MYO9A: variants seen among roughly 807,000 people sequenced by gnomAD.
MYO9A encodes the protein unconventional myosin-IXa.
MYO9A carries 103 observed loss-of-function variants against 293.3 expected under a neutral mutation model. The observed-to-expected ratio is 0.35, with a 90% CI of 0.30 to 0.41. The LOEUF is 0.41. Ranked by LOEUF, MYO9A falls within the 10% of genes least tolerant of loss-of-function variation. The pLI is 1.00. For synonymous variants in MYO9A, 1,001 were observed against 1,035.7 expected (o/e 0.97, Z 0.64); for missense variants, 2,685 against 3,033.0 (o/e 0.89, Z 2.69).
At chr15:72,016,094 A>C (rs1267935679) in intron 6 of MYO9A, among the ~76,000 whole-genome samples, 1 of 152,156 alleles carries the variant, frequency 6.6e-6, no homozygotes, top group Non-Finnish European at 1.5e-5. Context: ...AGATGTTAAT[A>C]ATAATAAAAA....
In MYO9A at chr15:72,098,048, T is replaced by C. The variant is rs547079164; in HGVS notation, c.-72+19632A>G. Among the ~76,000 whole-genome samples, 4 of 152,222 alleles carry C rather than the reference T, an allele frequency of 2.6e-5. No homozygotes were observed. The South Asian group carries it at 8.3e-4, about 32-fold the overall frequency. On this transcript the variant is annotated intron_variant, in intron 1 of 41. Coordinates refer to ENST00000356056, the MANE Select transcript of MYO9A (RefSeq NM_006901.4). ...AAAAAAGATGAGTGGGCATAACAAA[T>C]GTATTTTTCAAAGATGTCCACACCA...
chr15:71,832,645 G>C (rs992782217), intron 39 of MYO9A, among the ~76,000 whole-genome samples: 4 of 152,124 alleles, frequency 2.6e-5, no homozygotes, highest in Non-Finnish European at 4.4e-5. Flanking sequence ...ATTTCAGACA[G>C]ACTAAGAGGA....
chr15:71,830,167 C>T lies in MYO9A; in HGVS notation c.6982G>A (p.Ala2328Thr), dbSNP rs1338773663. ...ETDITEQQQA[A>T]MQQEERVLTE... Reference sequence around the variant, plus strand: ...AGTACTCTCTCCTCCTGCTGCATAGCTGCTTGCTGCTGTTCTGTGATGTCA... The same window carrying T: ...AGTACTCTCTCCTCCTGCTGCATAGTTGCTTGCTGCTGTTCTGTGATGTCA... The change falls in exon 40 of 42, where the codon GCT becomes ACT. Residue 2328 changes from alanine (A) to threonine (T), a missense_variant. Coordinates refer to ENST00000356056, the MANE Select transcript of MYO9A (RefSeq NM_006901.4). 1 of 1,614,160 alleles carries T rather than the reference C, an allele frequency of 6.2e-7. No individual in the cohort carries two copies. Among genetic ancestry groups the T allele is most frequent in the Non-Finnish European group, 8.5e-7 (1 of 1,180,002 alleles).
chr15:72,053,410 A>G lies in MYO9A; in HGVS notation c.-71-6776T>C, dbSNP rs200644594. On this transcript the variant is annotated intron_variant, in intron 1 of 41. Coordinates refer to ENST00000356056, the MANE Select transcript of MYO9A (RefSeq NM_006901.4). The stretch of plus-strand genomic sequence containing the variant: ...AACTGAGTGAGACTCCGTCTCAAAG[A>G]AAAAAAAAAAGGTTTTTTAAGTGTA... Among the ~76,000 whole-genome samples the G allele has an allele frequency of 9.1e-4, 108 of 118,828 alleles. 1 individual carries two copies. The highest frequency in any genetic ancestry group is 7.2e-3 in the Admixed American group (85 of 11,802). The allele number at this position is 118,828 out of a possible 152,430, so 78.0% of individuals were successfully genotyped here.
At chr15:71,908,388 C>T (rs535196579) in intron 19 of MYO9A, among the ~76,000 whole-genome samples, 1 of 152,188 alleles carries the variant, frequency 6.6e-6, no homozygotes, top group Non-Finnish European at 1.5e-5. Flanking sequence ...TGGTCTCAAT[C>T]TCCTGACCTC....
intron 2 of MYO9A, among the ~76,000 whole-genome samples, chr15:72,035,266 C>T (rs938953456): frequency 6.6e-6 from 1 of 152,126 alleles, no homozygotes; most frequent in Non-Finnish European, 1.5e-5. Context: ...CAGCGATACC[C>T]CTCCTGGCTA....
chr15:72,021,091 G>T, intron 4 of MYO9A, 74 bp from the exon 5 acceptor site: 2 of 881,442 alleles, frequency 2.3e-6, no homozygotes, highest in Non-Finnish European at 3.5e-6. Flanking sequence ...GAGGGGGGAA[G>T]CAAACAGTAA....
intron 32 of MYO9A, among the ~76,000 whole-genome samples, chr15:71,870,688 A>G (rs563739411): frequency 1.2e-4 from 18 of 152,360 alleles, no homozygotes; most frequent in Admixed American, 9.8e-4. Flanking sequence ...CAGTATTTGC[A>G]TATTATTTAG....
In MYO9A at chr15:72,007,693, C is replaced by T. The variant is rs182427469; in HGVS notation, c.1380+133G>A. 1.1e-4 allele frequency: 89 copies of T among 780,478 alleles called. No homozygotes were observed. In the African/African-American group the frequency reaches 1.3e-3, roughly 12 times the overall value. 48.3% of individuals were successfully genotyped at this position (780,478 alleles called of 1,614,324 possible). ...GGAAAAATTAGATCTTTTGGAAATGCTATTTAAAAATAGTGCCTAATAAAA... is the reference window on the plus strand; with the variant it reads ...GGAAAAATTAGATCTTTTGGAAATGTTATTTAAAAATAGTGCCTAATAAAA... On this transcript the variant is annotated intron_variant, in intron 8 of 41. Transcript: ENST00000356056.
At chr15:71,927,759 T>A (rs1021714364) in intron 18 of MYO9A, among the ~76,000 whole-genome samples, 1 of 151,772 alleles carries the variant, frequency 6.6e-6, no homozygotes, top group African/African-American at 2.4e-5. Context: ...TCAGGTCTTA[T>A]ATTTAAGTCT....
chr15:72,101,542 C>T (rs1295997153), intron 1 of MYO9A, among the ~76,000 whole-genome samples: 24 of 125,428 alleles, frequency 1.9e-4, no homozygotes, highest in African/African-American at 6.9e-4. Flanking sequence ...CCCGGCCAGC[C>T]GCCCCGTCCG....
chr15:72,065,287 A>G (rs912042415), intron 1 of MYO9A, among the ~76,000 whole-genome samples: 1 of 152,068 alleles, frequency 6.6e-6, no homozygotes, highest in Non-Finnish European at 1.5e-5. Context: ...AGGCCGAGGC[A>G]GGCAGAACAC....
intron 31 of MYO9A, among the ~76,000 whole-genome samples, 182 bp downstream of exon 31, chr15:71,877,858 G>C (rs1045785188): frequency 6.6e-6 from 1 of 152,322 alleles, no homozygotes. Context: ...AATATGGTCT[G>C]ATAAATTATA....
intron 28 of MYO9A, among the ~76,000 whole-genome samples, chr15:71,883,093 C>T (rs2056921172): frequency 6.6e-6 from 1 of 152,064 alleles, no homozygotes; most frequent in Admixed American, 6.6e-5. Flanking sequence ...TGTGAACCAT[C>T]GTGCCTGGCC....
intron 34 of MYO9A, among the ~76,000 whole-genome samples, chr15:71,856,842 C>T (rs2141530669): frequency 6.6e-6 from 1 of 152,230 alleles, no homozygotes; most frequent in Middle Eastern, 3.4e-3. Context: ...AAAAGTTTTG[C>T]CTTGTCACTA....
rs756001456 is a variant in MYO9A at position 71,826,485 on chromosome 15, A to C, written c.*95T>G. On this transcript the variant is annotated 3_prime_UTR_variant, in exon 42 of 42. Coordinates refer to ENST00000356056, the MANE Select transcript of MYO9A (RefSeq NM_006901.4). Reference sequence around the variant, plus strand: ...TTAGAAAAGAGGCAGGACCACAATTAGGATTGACTATTGTGGACGAGGTGA... The same window carrying C: ...TTAGAAAAGAGGCAGGACCACAATTCGGATTGACTATTGTGGACGAGGTGA... The C allele has an allele frequency of 4.2e-6, 5 of 1,201,118 alleles. No homozygotes were observed. Among genetic ancestry groups the C allele is most frequent in the Non-Finnish European group, 5.9e-6 (5 of 854,700 alleles). 74.4% of individuals were successfully genotyped at this position (1,201,118 alleles called of 1,614,324 possible).
At chr15:72,066,242 A>G (rs2079017290) in intron 1 of MYO9A, among the ~76,000 whole-genome samples, 1 of 152,190 alleles carries the variant, frequency 6.6e-6, no homozygotes, top group South Asian at 2.1e-4. Flanking sequence ...TAATCCCAGC[A>G]CTTTGTGAGG....
intron 26 of MYO9A, chr15:71,893,061 G>A: frequency 7.8e-7 from 1 of 1,289,926 alleles, no homozygotes; most frequent in Non-Finnish European, 1.0e-6. Flanking sequence ...GCTCAATAAT[G>A]TCATCGTAAT....
intron 34 of MYO9A, chr15:71,858,499 T>C: frequency 6.6e-6 from 1 of 152,106 alleles, no homozygotes; most frequent in Non-Finnish European, 1.5e-5. Context: ...CAGCAAACTA[T>C]TGCCAGGACA....
Sources: allele counts gnomAD v4.1 joint callset (sites outside exome capture counted in the v4.1 genomes callset), GRCh38; gene constraint gnomAD v4.1.1; transcripts MANE v1.5; gene names NCBI Gene and HGNC (gene_info 2026-07-23, HGNC 2026-07-21).